The following NAALADL2 variants were observed in gnomAD, a reference collection of about 807,000 sequenced individuals.
NAALADL2 encodes the protein inactive N-acetylated-alpha-linked acidic dipeptidase-like protein 2.
In NAALADL2, 76 loss-of-function variants were observed where a neutral mutation model predicts 87.2. The ratio of observed to expected loss-of-function variants is 0.87; its 90% confidence interval spans 0.72 to 1.05. The LOEUF is 1.05. Ranked by LOEUF, NAALADL2 falls within the 50% of genes least tolerant of loss-of-function variation. The pLI, the probability that NAALADL2 is intolerant of heterozygous loss-of-function variation, is 0.00. For missense variants in NAALADL2, 1,089 were observed against 945.8 expected (o/e 1.15, Z -1.99); for synonymous variants, 354 against 331.0 (o/e 1.07, Z -0.75).
At chr3:174,448,643 A>C (rs1281057775) in intron 1 of NAALADL2, among the ~76,000 whole-genome samples, 1 of 152,174 alleles carries the variant, frequency 6.6e-6, no homozygotes, top group Non-Finnish European at 1.5e-5. Context: ...AGAAGGCTTT[A>C]ATCAGGTGCT....
chr3:174,895,541 T>G (rs1293338359), intron 1 of NAALADL2, among the ~76,000 whole-genome samples: 1 of 152,070 alleles, frequency 6.6e-6, no homozygotes, highest in African/African-American at 2.4e-5. Flanking sequence ...TAATACAAAT[T>G]CTTCCAGTAA....
At chr3:175,132,172 G>A (rs1306546345) in intron 2 of NAALADL2, among the ~76,000 whole-genome samples, 1 of 108,944 alleles carries the variant, frequency 9.2e-6, no homozygotes, top group Admixed American at 8.4e-5. Flanking sequence ...GGGGCAGCTG[G>A]CTGGGCAGAG....
intron 3 of NAALADL2, among the ~76,000 whole-genome samples, chr3:174,826,939 T>G (rs916021819): frequency 5.3e-5 from 8 of 152,124 alleles, no homozygotes; most frequent in African/African-American, 1.9e-4. Context: ...CCAGCTAACT[T>G]TAGCCTAAAT....
rs61458338 is a variant in NAALADL2 at position 175,632,266 on chromosome 3, TTCTCTCTCTCTCTCTCTC to T, written c.1896+4907_1896+4924del. The stretch of plus-strand genomic sequence containing the variant: ...TTTAAAAGTGTGTGGCACTTTCCCC[TTCTCTCTCTCTCTCTCTC>T]TCTCTCTCTCTCTCTCTCTCTCTCT... On this transcript the variant is annotated intron_variant, in intron 11 of 13. Transcript: ENST00000454872. 8.6e-3 allele frequency among the ~76,000 whole-genome samples: 1,120 copies of T among 129,566 alleles called. 9 individuals are homozygous for T. The highest frequency in any genetic ancestry group is 0.028 in the African/African-American group (1,054 of 37,210). 85.0% of individuals were successfully genotyped at this position (129,566 alleles called of 152,430 possible). A position where few individuals can be genotyped will look rare whatever the true frequency, so the allele number is the denominator to read the frequency against.
chr3:174,805,211 C>T (rs930868186), intron 3 of NAALADL2, among the ~76,000 whole-genome samples: 8 of 151,984 alleles, frequency 5.3e-5, no homozygotes, highest in Non-Finnish European at 1.2e-4. Context: ...TGGTTGCTTC[C>T]TACTTATTAA....
chr3:175,288,156 A>C (rs1039086361), intron 4 of NAALADL2, among the ~76,000 whole-genome samples: 2 of 152,112 alleles, frequency 1.3e-5, no homozygotes, highest in Admixed American at 6.5e-5. Flanking sequence ...ATCTCAGCTC[A>C]CTGCAACCTC....
At chr3:175,590,970 C>G (rs1366817643) in intron 10 of NAALADL2, among the ~76,000 whole-genome samples, 1 of 152,050 alleles carries the variant, frequency 6.6e-6, no homozygotes, top group Non-Finnish European at 1.5e-5. Flanking sequence ...ATGTTCCTGT[C>G]TAGTGGGCAT....
chr3:175,562,729 A>G (rs563889508), intron 9 of NAALADL2, among the ~76,000 whole-genome samples: 20 of 152,220 alleles, frequency 1.3e-4, no homozygotes, highest in Non-Finnish European at 2.4e-4. Context: ...ACAAGTATGT[A>G]ATGATTATTC....
At chr3:175,219,821 C>T (rs1232953218) in intron 2 of NAALADL2, among the ~76,000 whole-genome samples, 2 of 149,386 alleles carry the variant, frequency 1.3e-5, no homozygotes, top group Admixed American at 6.7e-5. Flanking sequence ...CCTCCAATTG[C>T]TGAAGTCTTT....
At chr3:175,475,036 C>CAA (rs1343590576) in intron 9 of NAALADL2, among the ~76,000 whole-genome samples, 1 of 151,444 alleles carries the variant, frequency 6.6e-6, no homozygotes, top group Non-Finnish European at 1.5e-5. Context: ...CACACACACA[C>CAA]ACACACACAC....
At chr3:174,761,109 A>G (rs956701222) in intron 3 of NAALADL2, among the ~76,000 whole-genome samples, 3 of 152,194 alleles carry the variant, frequency 2.0e-5, no homozygotes, top group African/African-American at 2.4e-5. Context: ...CTCACATGTC[A>G]TATTGACTTT....
At chr3:175,422,668 C>CAA (rs59908051) in intron 5 of NAALADL2, among the ~76,000 whole-genome samples, 2 of 151,588 alleles carry the variant, frequency 1.3e-5, no homozygotes, top group Non-Finnish European at 2.9e-5. Flanking sequence ...ACTGCAGAGA[C>CAA]AAAAAATAAC....
chr3:175,498,699 C>T (rs1729140847), intron 9 of NAALADL2, among the ~76,000 whole-genome samples: 1 of 151,966 alleles, frequency 6.6e-6, no homozygotes. Flanking sequence ...ATGAATTGTC[C>T]TTCCTGCTGA....
At chr3:174,960,924 C>A (rs1741882953) in intron 1 of NAALADL2, among the ~76,000 whole-genome samples, 1 of 151,434 alleles carries the variant, frequency 6.6e-6, no homozygotes, top group Non-Finnish European at 1.5e-5. Context: ...ATAGTTCCAG[C>A]TACTTAAGAG....
intron 1 of NAALADL2, among the ~76,000 whole-genome samples, chr3:174,962,362 T>C (rs992235532): frequency 2.5e-5 from 3 of 118,196 alleles, no homozygotes; most frequent in African/African-American, 1.0e-4. Flanking sequence ...ATTGTCATAG[T>C]GACTATGACA....
chr3:175,182,218 T>A (rs1290096569), intron 2 of NAALADL2, among the ~76,000 whole-genome samples: 1 of 152,092 alleles, frequency 6.6e-6, no homozygotes, highest in East Asian at 1.9e-4. Context: ...TCTATTCAAG[T>A]CCCTTGCTCA....
intron 11 of NAALADL2, among the ~76,000 whole-genome samples, chr3:175,633,994 C>T (rs1186223769): frequency 2.0e-5 from 3 of 151,618 alleles, no homozygotes; most frequent in African/African-American, 7.3e-5. Context: ...TATTAAGTTT[C>T]AGAATAAGAA....
At chr3:175,331,923 C>T (rs887758170) in intron 5 of NAALADL2, among the ~76,000 whole-genome samples, 6 of 152,108 alleles carry the variant, frequency 3.9e-5, no homozygotes, top group African/African-American at 9.7e-5. Context: ...AAATCAGCAG[C>T]CTTCCTGTAA....
chr3:175,750,109 G>C (rs75447931), intron 12 of NAALADL2, among the ~76,000 whole-genome samples: 1 of 152,176 alleles, frequency 6.6e-6, no homozygotes, highest in East Asian at 1.9e-4. Context: ...AAGACACTGA[G>C]CCTCAGAGGA....
Sources: allele counts gnomAD v4.1 joint callset (sites outside exome capture counted in the v4.1 genomes callset), GRCh38; gene constraint gnomAD v4.1.1; transcripts MANE v1.5; gene names NCBI Gene and HGNC (gene_info 2026-07-23, HGNC 2026-07-21).